The following EPHB1 variants were observed in gnomAD, a reference collection of about 807,000 sequenced individuals.
EPHB1 encodes EPH receptor B1.
EPHB1 carries 30 observed loss-of-function variants against 94.4 expected under a neutral mutation model. The observed-to-expected ratio is 0.32, with a 90% CI of 0.24 to 0.43. EPHB1 has a LOEUF of 0.43. Ranked by LOEUF, EPHB1 falls within the 20% of genes least tolerant of loss-of-function variation. EPHB1 has a pLI of 1.00. For missense variants in EPHB1, 1,055 were observed against 1,308.3 expected (o/e 0.81, Z 2.99); for synonymous variants, 522 against 489.1 (o/e 1.07, Z -0.89).
At chr3:134,993,317 T>C (rs2107738942) in intron 3 of EPHB1, among the ~76,000 whole-genome samples, 1 of 152,252 alleles carries the variant, frequency 6.6e-6, no homozygotes, top group South Asian at 2.1e-4. Context: ...AGCTAAATTG[T>C]CAAACAGCAC....
chr3:134,808,578 T>C (rs1214298486), intron 1 of EPHB1, among the ~76,000 whole-genome samples: 1 of 152,030 alleles, frequency 6.6e-6, no homozygotes, highest in African/African-American at 2.4e-5. Flanking sequence ...GTAAGAGAGA[T>C]GGTATGTCCA....
intron 13 of EPHB1, among the ~76,000 whole-genome samples, chr3:135,243,555 G>A (rs923259666): frequency 2.0e-5 from 3 of 152,208 alleles, no homozygotes; most frequent in Non-Finnish European, 4.4e-5. Flanking sequence ...CCTCGTGGGA[G>A]GCAAGAGGTG....
chr3:135,105,253 A>G (rs1051183978), intron 3 of EPHB1, among the ~76,000 whole-genome samples: 2 of 152,218 alleles, frequency 1.3e-5, no homozygotes, highest in African/African-American at 4.8e-5. Flanking sequence ...ATATGACTTC[A>G]TTGGATCAAG....
intron 1 of EPHB1, among the ~76,000 whole-genome samples, chr3:134,915,727 G>C (rs900794032): frequency 1.3e-5 from 2 of 152,040 alleles, no homozygotes; most frequent in Non-Finnish European, 2.9e-5. Flanking sequence ...TTAAGGCGGC[G>C]CGTCCGGAGT....
chr3:135,052,856 GTC>G, intron 3 of EPHB1, among the ~76,000 whole-genome samples: 1 of 22,612 alleles, frequency 4.4e-5, no homozygotes, highest in Non-Finnish European at 7.3e-5. Flanking sequence ...GCGAGACTCC[GTC>G]TCAAAAAAAA....
intron 1 of EPHB1, among the ~76,000 whole-genome samples, chr3:134,918,464 A>T (rs1420190587): frequency 6.6e-6 from 1 of 152,238 alleles, no homozygotes; most frequent in Non-Finnish European, 1.5e-5. Flanking sequence ...ATTTTCTGAA[A>T]ATTAGTTACA....
chr3:135,151,368 T>G (rs1941188392), intron 5 of EPHB1, among the ~76,000 whole-genome samples: 1 of 152,102 alleles, frequency 6.6e-6, no homozygotes, highest in South Asian at 2.1e-4. Flanking sequence ...CCCTTTGTCC[T>G]GGCTGCTCCA....
intron 12 of EPHB1, among the ~76,000 whole-genome samples, chr3:135,205,233 G>T (rs1942870909): frequency 6.6e-6 from 1 of 152,020 alleles, no homozygotes; most frequent in Non-Finnish European, 1.5e-5. Context: ...TTTTCACATG[G>T]TGCAGGGATT....
intron 4 of EPHB1, among the ~76,000 whole-genome samples, chr3:135,130,479 A>G (rs1940379013): frequency 6.6e-6 from 1 of 152,206 alleles, no homozygotes; most frequent in African/African-American, 2.4e-5. Context: ...CTTGTTTGCA[A>G]AAGCTTGGCT....
At chr3:134,840,032 G>T (rs1173210184) in intron 1 of EPHB1, among the ~76,000 whole-genome samples, 1 of 152,112 alleles carries the variant, frequency 6.6e-6, no homozygotes, top group Non-Finnish European at 1.5e-5. Context: ...ACTGCCTCCT[G>T]GTAAGAAATC....
Position 134,795,663 on chromosome 3 carries a change from T to G in EPHB1, c.32T>G (p.Leu11Arg). 6.2e-7 allele frequency: 1 copy of G among 1,609,742 alleles called. No homozygotes were observed. The change falls in exon 1 of 16, where the codon CTG (leucine) becomes CGG (arginine). Residue 11 changes from leucine to arginine, a missense_variant. Coordinates refer to ENST00000398015, the MANE Select transcript of EPHB1 (RefSeq NM_004441.5). MALDYLLLLL[L>R]ASAVAAMEET... ...CTGGATTATCTACTACTGCTCCTCC[T>G]GGCATCCGCAGTGGCTGCGATGGAA... is the stretch of plus-strand genomic sequence containing the variant.
At chr3:134,812,213 G>A (rs917072830) in intron 1 of EPHB1, among the ~76,000 whole-genome samples, 2 of 152,156 alleles carry the variant, frequency 1.3e-5, no homozygotes, top group African/African-American at 4.8e-5. Flanking sequence ...TGGTCATGTA[G>A]CCACCCTACA....
chr3:134,870,028 A>G (rs913913967), intron 1 of EPHB1, among the ~76,000 whole-genome samples: 1 of 152,228 alleles, frequency 6.6e-6, no homozygotes, highest in East Asian at 1.9e-4. Flanking sequence ...ACAGAGCACA[A>G]AGAAAGAGCA....
chr3:134,795,476 C>G lies in EPHB1; in HGVS notation c.-156C>G. 1 of 680,032 alleles carries G rather than the reference C, an allele frequency of 1.5e-6. No individual in the cohort carries two copies. Among genetic ancestry groups the G allele is most frequent in the South Asian group, 1.9e-5 (1 of 51,646 alleles). The allele number at this position is 680,032 out of a possible 1,614,324, so 42.1% of individuals were successfully genotyped here. On this transcript the variant is annotated 5_prime_UTR_variant, in exon 1 of 16. Coordinates refer to ENST00000398015, the MANE Select transcript of EPHB1 (RefSeq NM_004441.5). ...CGCCCCACGCGCACACACTCCTGCC[C>G]ACGCCCACGCAGCGCTCCGGGAAGT... is the stretch of plus-strand genomic sequence containing the variant.
intron 2 of EPHB1, among the ~76,000 whole-genome samples, chr3:134,937,339 G>A (rs9837866): frequency 6.6e-6 from 1 of 152,124 alleles, no homozygotes; most frequent in Admixed American, 6.5e-5. Context: ...AGAATGTGGT[G>A]GGGGTGTCCT....
intron 1 of EPHB1, among the ~76,000 whole-genome samples, chr3:134,879,704 A>G (rs1400481556): frequency 6.6e-6 from 1 of 152,146 alleles, no homozygotes. Context: ...TGGTCCTGGC[A>G]TTAGAGCAAG....
intron 12 of EPHB1, among the ~76,000 whole-genome samples, chr3:135,209,779 A>T (rs1006762349): frequency 1.3e-5 from 2 of 152,216 alleles, no homozygotes; most frequent in African/African-American, 2.4e-5. Context: ...TTGTCTCAAA[A>T]TAAAATATAT....
At chr3:135,161,533 A>G (rs1424431413) in intron 6 of EPHB1, among the ~76,000 whole-genome samples, 2 of 152,198 alleles carry the variant, frequency 1.3e-5, no homozygotes, top group African/African-American at 2.4e-5. Flanking sequence ...GATGTAGAAC[A>G]GGCACTTTGG....
intron 6 of EPHB1, among the ~76,000 whole-genome samples, chr3:135,158,454 T>C (rs13087756): frequency 0.26 from 39,367 of 152,176 alleles, 6,295 homozygotes; most frequent in East Asian, 0.57. Flanking sequence ...TTGATGGGCA[T>C]GGCTGGGTTC....
Sources: gnomAD v4.1 joint callset for allele counts (sites outside exome capture counted in the v4.1 genomes callset) on GRCh38, gnomAD v4.1.1 for gene constraint, MANE v1.5 for transcripts, NCBI Gene and HGNC (gene_info 2026-07-23, HGNC 2026-07-21) for gene names.